RNF138: variants seen among roughly 807,000 people sequenced by gnomAD.
RNF138 encodes ring finger protein 138.
A neutral mutation model predicts 31.0 loss-of-function variants in RNF138; 12 were observed. The observed-to-expected ratio is 0.39, with a 90% CI of 0.25 to 0.63. The LOEUF is 0.63. Among genes scored for constraint, RNF138 ranks in the 20% least tolerant of loss-of-function variants. RNF138 has a pLI of 0.52. For missense variants in RNF138, 192 were observed against 300.1 expected, an observed-to-expected ratio of 0.64 and a Z score of 2.66; for synonymous variants, 105 against 99.5, an observed-to-expected ratio of 1.06 and a Z score of -0.33.
chr18:32,116,843 C>A (rs2040225007), intron 4 of RNF138, among the ~76,000 whole-genome samples: 1 of 152,116 alleles, frequency 6.6e-6, no homozygotes, highest in South Asian at 2.1e-4. Flanking sequence ...CCTTGGCCTT[C>A]CAAAGTGCTG....
chr18:32,126,200 AGCCTGGACAACAGTGAGACT>A (rs2040381266), intron 6 of RNF138, among the ~76,000 whole-genome samples: 1 of 152,248 alleles, frequency 6.6e-6, no homozygotes, highest in African/African-American at 2.4e-5. Flanking sequence ...TTTGAGACCC[AGCCTGGACAACAGTGAGACT>A]GTGTCTCTAG....
At chr18:32,105,242 C>T in intron 2 of RNF138, among the ~76,000 whole-genome samples, 1 of 149,944 alleles carries the variant, frequency 6.7e-6, no homozygotes, top group African/African-American at 2.5e-5. Context: ...CATGCACCTG[C>T]CACCATACAT....
At chr18:32,127,788 T>TA (rs2040406251) in intron 7 of RNF138, among the ~76,000 whole-genome samples, 1 of 152,210 alleles carries the variant, frequency 6.6e-6, no homozygotes, top group Non-Finnish European at 1.5e-5. Flanking sequence ...CATAGAAAAG[T>TA]AGGTAATCTA....
chr18:32,095,013 A>C (rs892294225), intron 2 of RNF138, among the ~76,000 whole-genome samples: 1 of 152,190 alleles, frequency 6.6e-6, no homozygotes, highest in African/African-American at 2.4e-5. Context: ...ACCTTTCTCA[A>C]ATCAACTTAT....
At chr18:32,115,759 GCACA>G (rs912101281) in intron 4 of RNF138, among the ~76,000 whole-genome samples, 8 of 151,418 alleles carry the variant, frequency 5.3e-5, no homozygotes, top group Admixed American at 2.0e-4. Context: ...ACACACACAC[GCACA>G]CACACGCACG....
At chr18:32,107,066 A>G (rs2040042155) in intron 2 of RNF138, among the ~76,000 whole-genome samples, 2 of 146,788 alleles carry the variant, frequency 1.4e-5, no homozygotes, top group Admixed American at 1.4e-4. Flanking sequence ...CCACTGGATT[A>G]GGGCTCTTGT....
In RNF138 at chr18:32,095,862, TATAA is replaced by T. The variant is rs959462731; in HGVS notation, c.110+2979_110+2982del. ...GACTTAATAGTCCGCTGGAGAGACC[TATAA>T]ATGAGTGTGATTGATATAGAAGAGA... On this transcript the variant is annotated intron_variant, in intron 2 of 7. Coordinates refer to ENST00000261593, the MANE Select transcript of RNF138 (RefSeq NM_016271.5). Among the ~76,000 whole-genome samples the T allele has an allele frequency of 6.6e-5, 10 of 152,254 alleles. 1 individual carries two copies. The highest frequency in any genetic ancestry group is 5.9e-4 in the Admixed American group (9 of 15,288).
At chr18:32,092,517 C>T (rs1267846990) in intron 1 of RNF138, 183 bp from the exon 2 acceptor site, 7 of 461,198 alleles carry the variant, frequency 1.5e-5, no homozygotes, top group Non-Finnish European at 2.3e-5. Flanking sequence ...AGCCCAGCCT[C>T]CCGCCAAGCA....
chr18:32,092,794 T>G lies in RNF138; in HGVS notation c.18T>G (p.Ser6=). The part of the protein sequence containing the change: MAEDL[S]AATSYTEDDF... Reference sequence around the variant, plus strand: ...CCCCCGCCATGGCCGAGGACCTCTCTGCGGCCACGTCCTACACCGAAGATG... The same window carrying G: ...CCCCCGCCATGGCCGAGGACCTCTCGGCGGCCACGTCCTACACCGAAGATG... The change falls in exon 2 of 8, where the codon TCT becomes TCG. Residue 6 remains serine, a synonymous_variant. Transcript: ENST00000261593. 6.3e-7 allele frequency: 1 copy of G among 1,590,354 alleles called. No homozygotes were observed. The highest frequency in any genetic ancestry group is 1.1e-5 in the South Asian group (1 of 87,552).
intron 7 of RNF138, 99 bp from the exon 8 acceptor site, chr18:32,129,020 C>T: frequency 1.3e-6 from 1 of 766,704 alleles, no homozygotes; most frequent in South Asian, 1.4e-5. Context: ...TAATGTGTGT[C>T]AAGATGTGTA....
intron 2 of RNF138, among the ~76,000 whole-genome samples, chr18:32,093,289 A>C (rs940087312): frequency 7.2e-5 from 11 of 151,778 alleles, no homozygotes; most frequent in Admixed American, 2.6e-4. Flanking sequence ...AACCCGGGTG[A>C]AGGCTGGGGT....
intron 2 of RNF138, among the ~76,000 whole-genome samples, chr18:32,101,217 T>TC (rs1281693672): frequency 1.3e-5 from 2 of 150,564 alleles, no homozygotes; most frequent in Non-Finnish European, 3.0e-5. Flanking sequence ...TAGGTTTCTT[T>TC]TTTTTTTTTT....
At chr18:32,104,013 C>CTTTTT (rs745696010) in intron 2 of RNF138, among the ~76,000 whole-genome samples, 1 of 130,834 alleles carries the variant, frequency 7.6e-6, no homozygotes, top group Non-Finnish European at 1.6e-5. Context: ...GGCTAAAAAA[C>CTTTTT]TTTTTTTTTT....
intron 2 of RNF138, among the ~76,000 whole-genome samples, chr18:32,106,109 C>T (rs927227421): frequency 6.6e-6 from 1 of 152,100 alleles, no homozygotes; most frequent in African/African-American, 2.4e-5. Flanking sequence ...TCCCTCTCTT[C>T]TTTTAAAAAA....
intron 7 of RNF138, among the ~76,000 whole-genome samples, chr18:32,127,544 A>G (rs747864340): frequency 7.2e-5 from 11 of 152,202 alleles, no homozygotes; most frequent in Non-Finnish European, 8.8e-5. Flanking sequence ...AAATTACATC[A>G]TTCTTGTTAA....
chr18:32,109,581 C>T (rs1287236449), intron 2 of RNF138: 1 of 152,138 alleles, frequency 6.6e-6, no homozygotes. Flanking sequence ...GATTTGGTTA[C>T]TTTTACTATT....
chr18:32,097,141 A>G (rs943572815), intron 2 of RNF138, among the ~76,000 whole-genome samples: 15 of 152,210 alleles, frequency 9.9e-5, no homozygotes, highest in African/African-American at 3.6e-4. Context: ...TAAGGTGTTT[A>G]TCTCTTTTGG....
At chr18:32,107,116 C>CTT (rs58774714) in intron 2 of RNF138, among the ~76,000 whole-genome samples, 7,431 of 100,584 alleles carry the variant, frequency 0.074, 632 homozygotes, top group African/African-American at 0.17. Context: ...TCCTTTTTTC[C>CTT]TTTTTTTTTT....
At position 32,107,510 on chromosome 18, in the gene RNF138, T is replaced by TTTTG. The variant is rs149799964; in HGVS notation, c.111-4220_111-4217dup. 5.3e-3 allele frequency among the ~76,000 whole-genome samples: 797 copies of TTTTG among 150,608 alleles called. 9 individuals are homozygous for TTTTG. Among genetic ancestry groups the TTTTG allele is most frequent in the African/African-American group, 0.019 (764 of 41,130 alleles). The stretch of plus-strand genomic sequence containing the variant: ...GTTAGAAGATAATCTTAATTTAGTT[T>TTTTG]TTTGTTTGTTTGTTTGTTTGTTTGT... On this transcript the variant is annotated intron_variant, in intron 2 of 7. Transcript: ENST00000261593.
Sources: allele counts gnomAD v4.1 joint callset (sites outside exome capture counted in the v4.1 genomes callset), GRCh38; gene constraint gnomAD v4.1.1; transcripts MANE v1.5; gene names NCBI Gene and HGNC (gene_info 2026-07-23, HGNC 2026-07-21).